The following BPGM variants were observed in gnomAD, a reference collection of about 807,000 sequenced individuals.
BPGM encodes the protein bisphosphoglycerate mutase.
Under a neutral mutation model 21.6 loss-of-function variants are expected in BPGM, and 15 were observed. That is an observed-to-expected ratio of 0.70 (90% confidence interval 0.47 to 1.07). The LOEUF (loss-of-function observed/expected upper bound fraction) is 1.07, where lower values mean the gene tolerates loss of function less well. BPGM is among the 50% of genes least tolerant of loss of function. The probability of loss-of-function intolerance (pLI) is 0.00; values close to 1 mark genes in which losing one functional copy is unlikely to be tolerated. For synonymous variants in BPGM, 113 were observed against 116.2 expected (o/e 0.97, Z 0.18); for missense variants, 273 against 319.0 (o/e 0.86, Z 1.10).
intron 2 of BPGM, 127 bp from the exon 3 acceptor site, chr7:134,678,726 G>C: frequency 1.0e-6 from 1 of 955,766 alleles, no homozygotes. Flanking sequence ...ATTATAGCTG[G>C]AATCCCTCAG....
intron 2 of BPGM, among the ~76,000 whole-genome samples, chr7:134,664,461 T>A (rs941630158): frequency 6.6e-6 from 1 of 152,178 alleles, no homozygotes; most frequent in Non-Finnish European, 1.5e-5. Context: ...ACCAATAATA[T>A]TAGCCTGCCG....
intron 2 of BPGM, among the ~76,000 whole-genome samples, chr7:134,677,781 C>A (rs1295896284): frequency 1.3e-5 from 2 of 152,144 alleles, no homozygotes; most frequent in African/African-American, 4.8e-5. Context: ...TGAATACTTT[C>A]AGTTGTCTTT....
chr7:134,652,251 G>T (rs182027752), intron 1 of BPGM, among the ~76,000 whole-genome samples: 138 of 152,278 alleles, frequency 9.1e-4, no homozygotes, highest in Non-Finnish European at 1.5e-3. Flanking sequence ...GTCATTAGTA[G>T]ATCTAAGTGT....
intron 1 of BPGM, among the ~76,000 whole-genome samples, chr7:134,650,131 C>G (rs1795533208): frequency 6.6e-6 from 1 of 152,154 alleles, no homozygotes; most frequent in African/African-American, 2.4e-5. Context: ...GGGCTCATAT[C>G]TAGGTTGTTT....
At chr7:134,648,687 A>ATT (rs11395166) in intron 1 of BPGM, among the ~76,000 whole-genome samples, 2,415 of 149,740 alleles carry the variant, frequency 0.016, 53 homozygotes, top group African/African-American at 0.051. Context: ...TAATTTTTGC[A>ATT]TTTTTTTTTT....
Position 134,678,874 on chromosome 7 carries a change from TCAA to T in BPGM, c.626_628del (p.Asn209del). On this transcript the variant is annotated inframe_deletion, in exon 3 of 3. Transcript: ENST00000344924. ...ACAGGTATCTCAGATGAAGACATCA[TCAA>T]CATTACTCTTCCTACTGGAGTCCCC... 1 of 1,614,078 alleles carries T rather than the reference TCAA, an allele frequency of 6.2e-7. No individual in the cohort carries two copies. Among genetic ancestry groups the T allele is most frequent in the Non-Finnish European group, 8.5e-7 (1 of 1,179,922 alleles).
At chr7:134,664,743 A>C (rs1380959116) in intron 2 of BPGM, among the ~76,000 whole-genome samples, 2 of 152,240 alleles carry the variant, frequency 1.3e-5, no homozygotes, top group Admixed American at 6.5e-5. Context: ...TATACAATGG[A>C]ATATTATTTG....
At chr7:134,652,975 C>T (rs1795579873) in intron 1 of BPGM, among the ~76,000 whole-genome samples, 1 of 152,112 alleles carries the variant, frequency 6.6e-6, no homozygotes, top group African/African-American at 2.4e-5. Flanking sequence ...TATTTGCTTT[C>T]TTTTGGATGT....
chr7:134,676,741 T>C (rs1795988492), intron 2 of BPGM, among the ~76,000 whole-genome samples: 1 of 152,236 alleles, frequency 6.6e-6, no homozygotes, highest in Non-Finnish European at 1.5e-5. Context: ...GGCCCTCAGT[T>C]ACTAGTTAGT....
At chr7:134,671,363 CTTTT>C (rs563524361) in intron 2 of BPGM, among the ~76,000 whole-genome samples, 2 of 133,938 alleles carry the variant, frequency 1.5e-5, no homozygotes, top group African/African-American at 2.8e-5. Flanking sequence ...ACATTTTGTT[CTTTT>C]TTTTTTTTTT....
chr7:134,655,458 G>A (rs544753094), intron 1 of BPGM, among the ~76,000 whole-genome samples: 4 of 149,066 alleles, frequency 2.7e-5, no homozygotes, highest in South Asian at 2.1e-4. Flanking sequence ...TATCTCCAGT[G>A]GGGGGTTGAA....
intron 1 of BPGM, among the ~76,000 whole-genome samples, chr7:134,655,013 G>A (rs886369443): frequency 4.6e-5 from 7 of 152,100 alleles, no homozygotes; most frequent in Non-Finnish European, 8.8e-5. Context: ...GACACCCTGG[G>A]GGATAAATCA....
At chr7:134,676,671 G>A (rs1477080634) in intron 2 of BPGM, among the ~76,000 whole-genome samples, 2 of 152,188 alleles carry the variant, frequency 1.3e-5, no homozygotes, top group Admixed American at 6.5e-5. Context: ...TTCATTGGAG[G>A]TAAAATCTTG....
Position 134,679,129 on chromosome 7 carries a change from G to A in BPGM, c.*98G>A. Reference sequence around the variant, plus strand: ...CTCTCTTTTTCCCCGATTTTCCAGAGCTAGGCTGTGGAGTAGAGTTTGTAT... The same window carrying A: ...CTCTCTTTTTCCCCGATTTTCCAGAACTAGGCTGTGGAGTAGAGTTTGTAT... On this transcript the variant is annotated 3_prime_UTR_variant, in exon 3 of 3. Transcript: ENST00000344924. The A allele has an allele frequency of 7.1e-7, 1 of 1,403,806 alleles. No individual in the cohort carries two copies. The highest frequency in any genetic ancestry group is 1.2e-5 in the South Asian group (1 of 81,570). The allele number at this position is 1,403,806 out of a possible 1,614,324, so 87.0% of individuals were successfully genotyped here. A position where few individuals can be genotyped will look rare whatever the true frequency, so the allele number is the denominator to read the frequency against.
chr7:134,676,385 T>C (rs1795983595), intron 2 of BPGM, among the ~76,000 whole-genome samples: 1 of 152,254 alleles, frequency 6.6e-6, no homozygotes, highest in South Asian at 2.1e-4. Flanking sequence ...ACATGGTCAC[T>C]TTTGTTATCT....
At chr7:134,648,801 T>C (rs1795510871) in intron 1 of BPGM, among the ~76,000 whole-genome samples, 1 of 152,200 alleles carries the variant, frequency 6.6e-6, no homozygotes, top group Non-Finnish European at 1.5e-5. Context: ...TCCTACCATC[T>C]CGATTTTTGC....
intron 2 of BPGM, among the ~76,000 whole-genome samples, chr7:134,668,400 C>G (rs976943137): frequency 6.6e-6 from 1 of 152,196 alleles, no homozygotes; most frequent in Non-Finnish European, 1.5e-5. Context: ...GAAGCTGAGT[C>G]AAGAACATCC....
intron 1 of BPGM, among the ~76,000 whole-genome samples, chr7:134,651,576 G>A (rs536575648): frequency 6.6e-6 from 1 of 152,290 alleles, no homozygotes; most frequent in South Asian, 2.1e-4. Flanking sequence ...TGCTACATTT[G>A]TTGAAAGTAC....
At chr7:134,666,689 A>G (rs1795826329) in intron 2 of BPGM, among the ~76,000 whole-genome samples, 1 of 152,156 alleles carries the variant, frequency 6.6e-6, no homozygotes, top group South Asian at 2.1e-4. Context: ...CTGTGACTTA[A>G]CTCCCACACC....
Sources: allele counts gnomAD v4.1 joint callset (sites outside exome capture counted in the v4.1 genomes callset), GRCh38; gene constraint gnomAD v4.1.1; transcripts MANE v1.5; gene names NCBI Gene and HGNC (gene_info 2026-07-23, HGNC 2026-07-21).